Variants in ATF2 observed in about 807,000 individuals in gnomAD.
The protein encoded by ATF2 is cyclic AMP-dependent transcription factor ATF-2.
A neutral mutation model predicts 60.6 loss-of-function variants in ATF2; 24 were observed. The ratio of observed to expected loss-of-function variants is 0.40; its 90% confidence interval spans 0.29 to 0.56. ATF2 has a LOEUF of 0.56. Ranked by LOEUF, ATF2 falls within the 20% of genes least tolerant of loss-of-function variation. The pLI is 0.54. For synonymous variants in ATF2, 206 were observed against 215.4 expected, an observed-to-expected ratio of 0.96 and a Z score of 0.38; for missense variants, 433 against 607.7, an observed-to-expected ratio of 0.71 and a Z score of 3.02.
rs1257134920 is a variant in ATF2 at position 175,119,783 on chromosome 2, GTCTA to G, written c.200-1418_200-1415del. On this transcript the variant is annotated intron_variant, in intron 5 of 13. Transcript: ENST00000264110. ...TCTTCTGTTCACACCCAAAGGGTTT[GTCTA>G]TCTAAGTTCATCAGAAGGCTCTTAA... Among the ~76,000 whole-genome samples, 10 of 151,732 alleles carry G rather than the reference GTCTA, an allele frequency of 6.6e-5. No individual in the cohort carries two copies. In the South Asian group the frequency reaches 1.9e-3, roughly 28 times the overall value.
intron 10 of ATF2, among the ~76,000 whole-genome samples, chr2:175,104,823 TATAATCTA>T: frequency 6.6e-6 from 1 of 151,960 alleles, no homozygotes; most frequent in Non-Finnish European, 1.5e-5. Flanking sequence ...GTTCTACAAG[TATAATCTA>T]ATCTAACTTG....
chr2:175,083,101 C>G (rs200974425), intron 12 of ATF2, among the ~76,000 whole-genome samples: 10,254 of 151,726 alleles, frequency 0.068, 341 homozygotes, highest in East Asian at 0.12. Flanking sequence ...AATGCCATCC[C>G]CATCAAGCTA....
chr2:175,113,105 G>C (rs758475982), intron 9 of ATF2, among the ~76,000 whole-genome samples: 2 of 152,124 alleles, frequency 1.3e-5, no homozygotes, highest in African/African-American at 2.4e-5. Context: ...AACTGTGCTA[G>C]ATGTCTCAAA....
intron 10 of ATF2, among the ~76,000 whole-genome samples, chr2:175,106,536 C>T (rs530029042): frequency 7.0e-6 from 1 of 143,182 alleles, no homozygotes; most frequent in Non-Finnish European, 1.5e-5. Context: ...AAAACAACAA[C>T]AAAAAAAAAA....
At chr2:175,146,799 GA>G (rs111519227) in intron 2 of ATF2, among the ~76,000 whole-genome samples, 3 of 151,734 alleles carry the variant, frequency 2.0e-5, no homozygotes, top group East Asian at 1.9e-4. Context: ...TACTACATAG[GA>G]AAAAAAATAG....
intron 7 of ATF2, 144 bp downstream of exon 7, chr2:175,117,846 T>C (rs1208103438): frequency 1.2e-6 from 1 of 852,064 alleles, no homozygotes; most frequent in Non-Finnish European, 1.6e-6. Context: ...CCCTGAAATA[T>C]CTGAGTATTG....
At chr2:175,094,400 T>C (rs199509154) in intron 11 of ATF2, among the ~76,000 whole-genome samples, 46 of 4,044 alleles carry the variant, frequency 0.011, no homozygotes, top group African/African-American at 0.025. Flanking sequence ...TCTCAAAAAA[T>C]ACGAAAAAAA....
intron 5 of ATF2, among the ~76,000 whole-genome samples, chr2:175,119,429 TC>T (rs1448462571): frequency 6.6e-6 from 1 of 151,506 alleles, no homozygotes; most frequent in Non-Finnish European, 1.5e-5. Context: ...AACCATTATG[TC>T]CCCACAGAGG....
intron 12 of ATF2, among the ~76,000 whole-genome samples, chr2:175,091,184 T>C (rs1694522183): frequency 6.6e-6 from 1 of 152,154 alleles, no homozygotes; most frequent in African/African-American, 2.4e-5. Context: ...TAATGGTAAA[T>C]TTGTCTTACT....
intron 1 of ATF2, among the ~76,000 whole-genome samples, chr2:175,162,568 G>A (rs1700093837): frequency 6.6e-6 from 1 of 152,068 alleles, no homozygotes; most frequent in African/African-American, 2.4e-5. Flanking sequence ...GTCAAAATAG[G>A]CATAAACTGA....
At chr2:175,102,032 CATATTTGTTAGGAGCATTTG>C (rs1374279639) in intron 10 of ATF2, among the ~76,000 whole-genome samples, 2 of 151,820 alleles carry the variant, frequency 1.3e-5, no homozygotes, top group African/African-American at 4.8e-5. Flanking sequence ...TCCAGCCATA[CATATTTGTTAGGAGCATTTG>C]AAGAAGGCCA....
chr2:175,091,723 T>C (rs1694561015), intron 12 of ATF2, among the ~76,000 whole-genome samples: 1 of 151,694 alleles, frequency 6.6e-6, no homozygotes, highest in Non-Finnish European at 1.5e-5. Flanking sequence ...ATTAGCCGGG[T>C]GTGGTGGTGC....
At chr2:175,142,718 AGAGTGTGTGTGTGT>A (rs1200789054) in intron 2 of ATF2, among the ~76,000 whole-genome samples, 2,377 of 113,384 alleles carry the variant, frequency 0.021, 14 homozygotes, top group Non-Finnish European at 0.032. Context: ...AGAGAGAGAG[AGAGTGTGTGTGTGT>A]GTGTGTGTGT....
At chr2:175,093,862 T>C (rs1694721275) in intron 11 of ATF2, among the ~76,000 whole-genome samples, 1 of 152,184 alleles carries the variant, frequency 6.6e-6, no homozygotes. Context: ...CAAGTTCTTA[T>C]ATTTATTAAT....
chr2:175,127,990 T>C (rs1697456429), intron 4 of ATF2, among the ~76,000 whole-genome samples: 1 of 152,160 alleles, frequency 6.6e-6, no homozygotes, highest in Non-Finnish European at 1.5e-5. Context: ...CCTAACTGAC[T>C]GGAACACTAA....
At chr2:175,131,617 C>T (rs920734188) in intron 3 of ATF2, among the ~76,000 whole-genome samples, 1 of 152,154 alleles carries the variant, frequency 6.6e-6, no homozygotes, top group African/African-American at 2.4e-5. Context: ...ATCTAAATAA[C>T]ATATTATCCT....
At chr2:175,136,015 GTTT>G (rs34199956) in intron 3 of ATF2, among the ~76,000 whole-genome samples, 1 of 124,940 alleles carries the variant, frequency 8.0e-6, no homozygotes, top group Non-Finnish European at 1.7e-5. Flanking sequence ...TTCTTTCTTT[GTTT>G]TTTTTTTTTT....
chr2:175,149,758 G>C (rs1031408504), intron 2 of ATF2, among the ~76,000 whole-genome samples: 21 of 152,092 alleles, frequency 1.4e-4, no homozygotes, highest in Non-Finnish European at 2.4e-4. Context: ...ACCAGTCTTA[G>C]GCTTCCCCTT....
rs1262092548 is a variant in ATF2, at chr2:175,074,687, C to T, written c.1440G>A (p.Met480Ile). 15 of 1,613,416 alleles carry T rather than the reference C, an allele frequency of 9.3e-6. No homozygotes were observed. Among genetic ancestry groups the T allele is most frequent in the Non-Finnish European group, 1.2e-5 (14 of 1,179,674 alleles). Reference protein sequence around the residue: ...EAVATSVLTQMADQSTEPALS... With the variant: ...EAVATSVLTQIADQSTEPALS... Reference sequence around the variant, plus strand: ...GAGCAGGCTCTGTACTCTGGTCCGCCATCTGGGTGAGGACTGAAGTGGCTA... The same window carrying T: ...GAGCAGGCTCTGTACTCTGGTCCGCTATCTGGGTGAGGACTGAAGTGGCTA... Residue 480 changes from methionine (M) to isoleucine (I), a missense_variant, in exon 14 of 14, where the codon ATG (methionine) becomes ATA (isoleucine). By Grantham distance (10) the Met-to-Ile change is conservative (BLOSUM62 1). This residue lies in a region of ATF2 where 114 missense variants were observed against 104.0 expected (regional missense o/e 1.10). Coordinates refer to ENST00000264110, the MANE Select transcript of ATF2 (RefSeq NM_001880.4).
Sources: gnomAD v4.1 joint callset for allele counts (sites outside exome capture counted in the v4.1 genomes callset) on GRCh38, gnomAD v4.1.1 for gene constraint, gnomAD v4.1.1 regional missense constraint, MANE v1.5 for transcripts, NCBI Gene and HGNC (gene_info 2026-07-23, HGNC 2026-07-21) for gene names.